PRDM5: variants seen among roughly 807,000 people sequenced by gnomAD.
PRDM5 encodes PR domain zinc finger protein 5.
Under a neutral mutation model 81.2 loss-of-function variants are expected in PRDM5, and 56 were observed. The observed-to-expected ratio is 0.69, with a 90% confidence interval of 0.56 to 0.86. The LOEUF (loss-of-function observed/expected upper bound fraction) is 0.86. PRDM5 is among the 40% of genes least tolerant of loss of function. The pLI, the probability that PRDM5 is intolerant of heterozygous loss-of-function variation, is 0.00. For missense variants in PRDM5, 697 were observed against 770.1 expected (o/e 0.91, Z 1.12); for synonymous variants, 267 against 256.4 (o/e 1.04, Z -0.39).
chr4:120,730,499 G>A (rs1740093825), intron 14 of PRDM5, among the ~76,000 whole-genome samples: 1 of 152,128 alleles, frequency 6.6e-6, no homozygotes. Flanking sequence ...TTTATCCCAA[G>A]ATACCTGTGA....
intron 14 of PRDM5, among the ~76,000 whole-genome samples, chr4:120,728,213 C>A (rs977027664): frequency 3.3e-5 from 5 of 151,844 alleles, no homozygotes; most frequent in Non-Finnish European, 4.4e-5. Flanking sequence ...AGTATCAAGG[C>A]CACAAGCAAT....
chr4:120,922,089 G>A (rs190165270), intron 1 of PRDM5, among the ~76,000 whole-genome samples: 106 of 152,352 alleles, frequency 7.0e-4, no homozygotes, highest in Middle Eastern at 6.8e-3. Flanking sequence ...AAGGAAAAGA[G>A]GCGACAGCGG....
At chr4:120,817,014 C>T in intron 5 of PRDM5, 90 bp from the exon 6 acceptor site, 1 of 1,078,832 alleles carries the variant, frequency 9.3e-7, no homozygotes. Flanking sequence ...TGAATAAAGT[C>T]ATGTTCGTGA....
At chr4:120,893,392 C>T (rs1220612652) in intron 2 of PRDM5, among the ~76,000 whole-genome samples, 3 of 152,170 alleles carry the variant, frequency 2.0e-5, no homozygotes, top group East Asian at 1.9e-4. Flanking sequence ...CAGTATTCAC[C>T]AGCCCTTTTG....
chr4:120,738,188 G>C (rs1741397153), intron 14 of PRDM5, among the ~76,000 whole-genome samples: 1 of 152,198 alleles, frequency 6.6e-6, no homozygotes, highest in Admixed American at 6.5e-5. Flanking sequence ...ACCCACGCTT[G>C]AGTTTGCCAG....
intron 3 of PRDM5, among the ~76,000 whole-genome samples, chr4:120,846,191 T>G (rs72680425): frequency 0.01 from 1,530 of 152,348 alleles, 19 homozygotes; most frequent in Middle Eastern, 0.027. Context: ...TGACATAAAC[T>G]TATCTGATAA....
chr4:120,718,976 T>C (rs1738202445), intron 14 of PRDM5, among the ~76,000 whole-genome samples: 1 of 152,214 alleles, frequency 6.6e-6, no homozygotes. Context: ...GTGAGGAAGA[T>C]TACAGACAGT....
chr4:120,830,445 T>C (rs1006689654), intron 3 of PRDM5, among the ~76,000 whole-genome samples: 1 of 152,042 alleles, frequency 6.6e-6, no homozygotes, highest in Non-Finnish European at 1.5e-5. Flanking sequence ...GTGGACAGAG[T>C]CATAGCCTCT....
chr4:120,864,725 T>G (rs554460437), intron 2 of PRDM5, among the ~76,000 whole-genome samples: 2 of 152,340 alleles, frequency 1.3e-5, no homozygotes, highest in South Asian at 4.1e-4. Flanking sequence ...AACATTTTAT[T>G]CATAAAAATA....
At chr4:120,718,299 C>G (rs1005156355) in intron 14 of PRDM5, among the ~76,000 whole-genome samples, 1 of 152,172 alleles carries the variant, frequency 6.6e-6, no homozygotes, top group Non-Finnish European at 1.5e-5. Flanking sequence ...GTCTTTGTCT[C>G]TCTCTCACAC....
chr4:120,784,919 A>T, intron 11 of PRDM5, 79 bp downstream of exon 11: 2 of 1,114,494 alleles, frequency 1.8e-6, no homozygotes, highest in Non-Finnish European at 2.7e-6. Context: ...CACCTCTGGG[A>T]TGTCTACATT....
intron 3 of PRDM5, among the ~76,000 whole-genome samples, chr4:120,841,897 T>G (rs1252597793): frequency 6.6e-6 from 1 of 152,240 alleles, no homozygotes; most frequent in Non-Finnish European, 1.5e-5. Context: ...CTTGTAATGA[T>G]ATAGCCCAGT....
intron 13 of PRDM5, among the ~76,000 whole-genome samples, chr4:120,776,736 C>T (rs1748207756): frequency 6.6e-6 from 1 of 152,042 alleles, no homozygotes; most frequent in Admixed American, 6.6e-5. Flanking sequence ...TAACCTGTGG[C>T]ATAACAGATA....
chr4:120,711,400 G>T (rs2149031783), intron 14 of PRDM5, among the ~76,000 whole-genome samples: 1 of 151,920 alleles, frequency 6.6e-6, no homozygotes, highest in East Asian at 1.9e-4. Context: ...CCTAGTTCAA[G>T]CAATTCTCCT....
At position 120,878,883 on chromosome 4, in the gene PRDM5, A is replaced by C. The variant is rs148010598; in HGVS notation, c.178-25343T>G. ...ATGGCCAAAATCTAAAACACTGACA[A>C]CACCAAATGCTGACAAGGACATGGG... On this transcript the variant is annotated intron_variant, in intron 2 of 15. Transcript: ENST00000264808. Among the ~76,000 whole-genome samples the C allele has an allele frequency of 6.9e-3, 1,052 of 152,314 alleles. 14 individuals are homozygous for C. The highest frequency in any genetic ancestry group is 0.024 in the African/African-American group (1,001 of 41,566).
intron 2 of PRDM5, among the ~76,000 whole-genome samples, chr4:120,881,076 T>C (rs950491419): frequency 6.6e-6 from 1 of 152,190 alleles, no homozygotes; most frequent in Non-Finnish European, 1.5e-5. Flanking sequence ...TGTAAAAACA[T>C]AATTATTGAT....
intron 1 of PRDM5, among the ~76,000 whole-genome samples, chr4:120,920,065 C>T (rs1724698109): frequency 6.6e-6 from 1 of 152,088 alleles, no homozygotes; most frequent in Non-Finnish European, 1.5e-5. Context: ...AAAGACACCA[C>T]CACTCTAGGA....
intron 3 of PRDM5, among the ~76,000 whole-genome samples, chr4:120,845,289 A>C (rs920969504): frequency 1.3e-5 from 2 of 152,216 alleles, no homozygotes; most frequent in African/African-American, 4.8e-5. Flanking sequence ...TACCATCTAG[A>C]ATTTTCATGG....
chr4:120,848,358 A>G (rs1758885404), intron 3 of PRDM5, among the ~76,000 whole-genome samples: 3 of 152,328 alleles, frequency 2.0e-5, no homozygotes, highest in African/African-American at 7.2e-5. Flanking sequence ...AGTAATCTCA[A>G]CTTTAAGGCA....
Sources: gnomAD v4.1 joint callset for allele counts (sites outside exome capture counted in the v4.1 genomes callset) on GRCh38, gnomAD v4.1.1 for gene constraint, MANE v1.5 for transcripts, NCBI Gene and HGNC (gene_info 2026-07-23, HGNC 2026-07-21) for gene names.